ASAP2: variants seen among roughly 807,000 people sequenced by gnomAD.
The protein encoded by ASAP2 is arf-GAP with SH3 domain, ANK repeat and PH domain-containing protein 2.
A neutral mutation model predicts 131.4 loss-of-function variants in ASAP2; 45 were observed. That is an observed-to-expected ratio of 0.34 (90% CI 0.27 to 0.44). The LOEUF (loss-of-function observed/expected upper bound fraction) is 0.44, where lower values mean the gene tolerates loss of function less well. Among genes scored for constraint, ASAP2 ranks in the 20% least tolerant of loss-of-function variants. The pLI is 1.00. For missense variants in ASAP2, 1,011 were observed against 1,297.0 expected (o/e 0.78, Z 3.39); for synonymous variants, 510 against 503.0 (o/e 1.01, Z -0.19).
intron 7 of ASAP2, among the ~76,000 whole-genome samples, 168 bp from the exon 8 acceptor site, chr2:9,334,570 G>A (rs1394517715): frequency 6.6e-6 from 1 of 152,144 alleles, no homozygotes; most frequent in African/African-American, 2.4e-5. Context: ...AATTTTGAGT[G>A]TCATTTTATT....
In ASAP2 at chr2:9,401,842, A is replaced by G. The variant is rs373985638; in HGVS notation, c.2946+446A>G. 1.2e-4 allele frequency among the ~76,000 whole-genome samples: 18 copies of G among 152,324 alleles called. No homozygotes were observed. In the South Asian group the frequency reaches 3.7e-3, roughly 32 times the overall value. Reference sequence around the variant, plus strand: ...GAGCAAGATGAGTGCCGGCCACCTAAGAATTCAGACTTGGCCACTCAGGGG... The same window carrying G: ...GAGCAAGATGAGTGCCGGCCACCTAGGAATTCAGACTTGGCCACTCAGGGG... On this transcript the variant is annotated intron_variant, in intron 27 of 27. Transcript: ENST00000281419.
chr2:9,235,724 G>A (rs544706743), intron 1 of ASAP2, among the ~76,000 whole-genome samples: 2 of 152,284 alleles, frequency 1.3e-5, no homozygotes, highest in African/African-American at 2.4e-5. Flanking sequence ...AGAGTGAGCC[G>A]CATGGCCTGG....
chr2:9,361,408 A>G (rs1032439563), intron 15 of ASAP2, among the ~76,000 whole-genome samples: 3 of 152,104 alleles, frequency 2.0e-5, no homozygotes, highest in Non-Finnish European at 4.4e-5. Context: ...GAGTGTGGTC[A>G]TGGTGTCGTG....
At chr2:9,302,875 T>C (rs1417503806) in intron 3 of ASAP2, among the ~76,000 whole-genome samples, 9 of 152,144 alleles carry the variant, frequency 5.9e-5, no homozygotes, top group Non-Finnish European at 1.5e-5. Flanking sequence ...GGACAAGCAG[T>C]AGTTTGTGGC....
In ASAP2 at chr2:9,400,092, C is replaced by T. The variant is rs899721588; in HGVS notation, c.2734+20C>T. The T allele has an allele frequency of 6.2e-7, 1 of 1,610,654 alleles. No homozygotes were observed. Among genetic ancestry groups the T allele is most frequent in the Non-Finnish European group, 8.5e-7 (1 of 1,178,248 alleles). ...GACCTGGTAATTATTTAATTTGGGA[C>T]TGAGTTTGTTTCTGCTTGGTCCATG... On this transcript the variant is annotated intron_variant, in intron 25 of 27. Transcript: ENST00000281419.
chr2:9,250,665 C>G (rs977986468), intron 1 of ASAP2, among the ~76,000 whole-genome samples: 19 of 152,212 alleles, frequency 1.2e-4, no homozygotes, highest in African/African-American at 4.3e-4. Context: ...AGTGAGCACC[C>G]AGAGAGGAAC....
intron 15 of ASAP2, among the ~76,000 whole-genome samples, chr2:9,366,705 AGTT>A (rs1673498013): frequency 6.6e-6 from 1 of 152,092 alleles, no homozygotes; most frequent in African/African-American, 2.4e-5. Flanking sequence ...AAGGAGGTGG[AGTT>A]GGTTAATGTT....
rs187720781 is a variant in ASAP2, at chr2:9,354,106, C to T, written c.1112-1941C>T. On this transcript the variant is annotated intron_variant, in intron 12 of 27. Coordinates refer to ENST00000281419, the MANE Select transcript of ASAP2 (RefSeq NM_003887.3). ...GACCCCACTCATAGCAAATTCAAGT[C>T]CTGAGCCATTATCCGCGAACCCCAT... 4.0e-4 allele frequency among the ~76,000 whole-genome samples: 61 copies of T among 152,296 alleles called. 1 individual carries two copies. The highest frequency in any genetic ancestry group is 1.3e-3 in the African/African-American group (52 of 41,558).
At chr2:9,382,704 TG>T (rs1384327345) in intron 20 of ASAP2, among the ~76,000 whole-genome samples, 1 of 152,208 alleles carries the variant, frequency 6.6e-6, no homozygotes, top group Non-Finnish European at 1.5e-5. Flanking sequence ...CCTGTTGTTT[TG>T]GGGAAAACTC....
chr2:9,403,577 T>G lies in ASAP2; in HGVS notation c.*250T>G. ...ATTTCCCAACAGGTGAACTGAAAAG[T>G]TATTTTAACTATTATACATAATCAA... On this transcript the variant is annotated 3_prime_UTR_variant, in exon 28 of 28. Transcript: ENST00000281419. 2.0e-6 allele frequency: 1 copy of G among 492,012 alleles called. No individual in the cohort carries two copies. Among genetic ancestry groups the G allele is most frequent in the Non-Finnish European group, 3.6e-6 (1 of 277,992 alleles). 30.5% of individuals were successfully genotyped at this position (492,012 alleles called of 1,614,324 possible). A position where few individuals can be genotyped will look rare whatever the true frequency, so the allele number is the denominator to read the frequency against.
rs1675816515 is a variant in ASAP2 at position 9,392,633 on chromosome 2, T to C, written c.2519-849T>C. 6.6e-6 allele frequency among the ~76,000 whole-genome samples: 1 copy of C among 152,028 alleles called. No individual in the cohort carries two copies. On this transcript the variant is annotated intron_variant, in intron 23 of 27. Coordinates refer to ENST00000281419, the MANE Select transcript of ASAP2 (RefSeq NM_003887.3). The surrounding 1 kb of genome is among the most constrained non-coding windows in gnomAD (Gnocchi z 4.0). ...TCAGACTTTTGAGTTTTCCTTTAAATTGGAAAAAGGAAACAATAATGATAA... is the reference window on the plus strand; with the variant it reads ...TCAGACTTTTGAGTTTTCCTTTAAACTGGAAAAAGGAAACAATAATGATAA...
Position 9,376,989 on chromosome 2 carries a change from A to C in ASAP2, c.1828A>C (p.Asn610His). ...TCACATTGTAGACTTTTTAGTTCAG[A>C]ACAGGTAGGTGTTCTGAAATTAAGG... ...SLHIVDFLVQNSGNLDKQTGK... is the reference protein window; with the variant it reads ...SLHIVDFLVQHSGNLDKQTGK... The change falls in exon 18 of 28, where the codon AAC becomes CAC. Residue 610 changes from asparagine to histidine, a missense_variant. Physicochemically the swap from Asn to His is moderately conservative, Grantham distance 68. Around this residue, in one of 2 missense-constraint regions of ASAP2, gnomAD observed 652 missense variants for 698.9 expected, o/e 0.93. Transcript: ENST00000281419. The C allele has an allele frequency of 6.2e-7, 1 of 1,612,870 alleles. No individual in the cohort carries two copies. The highest frequency in any genetic ancestry group is 8.5e-7 in the Non-Finnish European group (1 of 1,179,080).
chr2:9,228,813 C>T (rs1353242596), intron 1 of ASAP2, among the ~76,000 whole-genome samples: 1 of 152,154 alleles, frequency 6.6e-6, no homozygotes, highest in South Asian at 2.1e-4. Context: ...AAATTATGAA[C>T]GGCACTCTTC....
intron 1 of ASAP2, among the ~76,000 whole-genome samples, chr2:9,208,004 G>A (rs1384244226): frequency 6.6e-5 from 10 of 152,204 alleles, no homozygotes; most frequent in Non-Finnish European, 1.5e-5. Context: ...AGAGGAACAC[G>A]TAGGAACGAA....
Position 9,297,453 on chromosome 2 carries a change from G to C in ASAP2, c.345+8G>C, listed in dbSNP as rs773221107. 1 of 1,613,914 alleles carries C rather than the reference G, an allele frequency of 6.2e-7. No individual in the cohort carries two copies. The highest frequency in any genetic ancestry group is 8.5e-7 in the Non-Finnish European group (1 of 1,179,892). The stretch of plus-strand genomic sequence containing the variant: ...GCACTTTTCAAAAACCTGGTAAGCA[G>C]CTCTGTGTATGAAATGCTGCGGTTA... On this transcript the variant is annotated splice_region_variant and intron_variant, in intron 3 of 27. Transcript: ENST00000281419.
chr2:9,252,648 G>A (rs997177328), intron 1 of ASAP2, among the ~76,000 whole-genome samples: 1 of 152,118 alleles, frequency 6.6e-6, no homozygotes, highest in Non-Finnish European at 1.5e-5. Flanking sequence ...GGGTGCAGTG[G>A]CTCACGCCTG....
At position 9,333,481 on chromosome 2, in the gene ASAP2, G is replaced by A. The variant is rs556532988; in HGVS notation, c.687-1257G>A. On this transcript the variant is annotated intron_variant, in intron 7 of 27. Transcript: ENST00000281419. ...GGGATTATGGAAGGCCTCACTAACC[G>A]GGGATGTTTAACCTAAAACTTGAAG... Among the ~76,000 whole-genome samples, 9 of 152,288 alleles carry A rather than the reference G, an allele frequency of 5.9e-5. No individual in the cohort carries two copies. The South Asian group carries it at 8.3e-4, about 14-fold the overall frequency.
intron 3 of ASAP2, among the ~76,000 whole-genome samples, chr2:9,301,657 C>T (rs1668479850): frequency 2.6e-5 from 4 of 152,120 alleles, no homozygotes. Flanking sequence ...GAACCCGCTC[C>T]ACATGAAGAT....
At chr2:9,304,698 G>T (rs1436489355) in intron 3 of ASAP2, among the ~76,000 whole-genome samples, 1 of 139,678 alleles carries the variant, frequency 7.2e-6, no homozygotes, top group Non-Finnish European at 1.5e-5. Context: ...TAATAGTGGG[G>T]TATAGATATT....
Sources: allele counts gnomAD v4.1 joint callset (sites outside exome capture counted in the v4.1 genomes callset), GRCh38; gene constraint gnomAD v4.1.1; regional missense constraint gnomAD v4.1.1; non-coding constraint Gnocchi (gnomAD v3.1); transcripts MANE v1.5; gene names NCBI Gene and HGNC (gene_info 2026-07-23, HGNC 2026-07-21).